The following PLCB1 variants were observed in gnomAD, a reference collection of about 807,000 sequenced individuals.
PLCB1 encodes phospholipase C beta 1, also known as 1-phosphatidylinositol 4,5-bisphosphate phosphodiesterase beta-1.
A neutral mutation model predicts 161.8 loss-of-function variants in PLCB1; 46 were observed. The observed-to-expected ratio is 0.28, with a 90% confidence interval of 0.22 to 0.36. The LOEUF (loss-of-function observed/expected upper bound fraction) is 0.36. Ranked by LOEUF, PLCB1 falls within the 10% of genes least tolerant of loss-of-function variation. PLCB1 has a pLI of 1.00. For missense variants in PLCB1, 1,016 were observed against 1,472.5 expected, an observed-to-expected ratio of 0.69 and a Z score of 5.07; for synonymous variants, 517 against 503.7, an observed-to-expected ratio of 1.03 and a Z score of -0.35.
rs1370604619 is a variant in PLCB1, at chr20:8,521,815, A to C, written c.247-106479A>C. Among the ~76,000 whole-genome samples, 3 of 152,346 alleles carry C rather than the reference A, an allele frequency of 2.0e-5. No individual in the cohort carries two copies. In the East Asian group the frequency reaches 5.8e-4, roughly 29 times the overall value. ...TCTAACTCAGCTATTTTATCATAGA[A>C]ACACAGATATATAACTAAACACCAC... On this transcript the variant is annotated intron_variant, in intron 3 of 31. Coordinates refer to ENST00000338037, the MANE Select transcript of PLCB1 (RefSeq NM_015192.4).
chr20:8,826,965 C>T (rs1277150756), intron 31 of PLCB1, among the ~76,000 whole-genome samples: 1 of 152,114 alleles, frequency 6.6e-6, no homozygotes, highest in East Asian at 1.9e-4. Flanking sequence ...TATGTACTGT[C>T]ATTTACTTGG....
intron 2 of PLCB1, among the ~76,000 whole-genome samples, chr20:8,151,407 G>A (rs919487938): frequency 4.6e-5 from 7 of 152,136 alleles, no homozygotes; most frequent in African/African-American, 1.7e-4. Flanking sequence ...ACTCCTGAAT[G>A]AGCCTGTTTA....
At chr20:8,432,940 C>T (rs1980119196) in intron 3 of PLCB1, among the ~76,000 whole-genome samples, 1 of 152,200 alleles carries the variant, frequency 6.6e-6, no homozygotes, top group African/African-American at 2.4e-5. Flanking sequence ...GTGTGACCCC[C>T]TCTGGCTTTG....
chr20:8,826,291 C>G (rs914642040), intron 31 of PLCB1, among the ~76,000 whole-genome samples: 1 of 151,924 alleles, frequency 6.6e-6, no homozygotes, highest in African/African-American at 2.4e-5. Context: ...GTCAGGAGAT[C>G]GAGACCATCC....
At chr20:8,428,686 A>T (rs1979897554) in intron 3 of PLCB1, among the ~76,000 whole-genome samples, 2 of 152,196 alleles carry the variant, frequency 1.3e-5, no homozygotes, top group Admixed American at 1.3e-4. Context: ...ATGTAGAGGA[A>T]TTGTGGCCGA....
At chr20:8,152,879 T>G (rs2051523753) in intron 2 of PLCB1, among the ~76,000 whole-genome samples, 1 of 152,064 alleles carries the variant, frequency 6.6e-6, no homozygotes, top group African/African-American at 2.4e-5. Flanking sequence ...TTTACAAGTG[T>G]TTTTTATTTT....
chr20:8,629,897 T>C lies in PLCB1; in HGVS notation c.384+1466T>C, dbSNP rs1053879980. On this transcript the variant is annotated intron_variant, in intron 4 of 31. Transcript: ENST00000338037. ...TCTTTCTCTCTCTCTTTCTTTTCTT[T>C]CTTTCTTTCTCTTTCCTTTCTTTCC... Among the ~76,000 whole-genome samples, 7 of 141,320 alleles carry C rather than the reference T, an allele frequency of 5.0e-5. No individual in the cohort carries two copies. The East Asian group carries it at 8.3e-4, about 17-fold the overall frequency. The allele number at this position is 141,320 out of a possible 152,430, so 92.7% of individuals were successfully genotyped here. A position where few individuals can be genotyped will look rare whatever the true frequency, so the allele number is the denominator to read the frequency against.
chr20:8,466,242 C>T (rs1407544602), intron 3 of PLCB1, among the ~76,000 whole-genome samples: 3 of 150,608 alleles, frequency 2.0e-5, no homozygotes, highest in African/African-American at 7.4e-5. Context: ...CCAAACACCA[C>T]ATATTCTCGC....
At chr20:8,865,557 T>G (rs1290934744) in intron 31 of PLCB1, among the ~76,000 whole-genome samples, 1 of 152,182 alleles carries the variant, frequency 6.6e-6, no homozygotes, top group African/African-American at 2.4e-5. Context: ...ACAATAGAAT[T>G]TTATTTCTTT....
intron 3 of PLCB1, among the ~76,000 whole-genome samples, chr20:8,405,321 C>T (rs1284053935): frequency 6.6e-6 from 1 of 152,168 alleles, no homozygotes; most frequent in East Asian, 1.9e-4. Flanking sequence ...AAAATCAGCA[C>T]TCTTCTGGTT....
chr20:8,458,524 G>C (rs768834898), intron 3 of PLCB1, among the ~76,000 whole-genome samples: 5 of 152,116 alleles, frequency 3.3e-5, no homozygotes, highest in Non-Finnish European at 5.9e-5. Flanking sequence ...GATTTCAAGA[G>C]AAAGCATACT....
At chr20:8,477,039 T>C (rs1982309035) in intron 3 of PLCB1, among the ~76,000 whole-genome samples, 1 of 152,124 alleles carries the variant, frequency 6.6e-6, no homozygotes, top group African/African-American at 2.4e-5. Context: ...TACTTGAGGA[T>C]TACTCAGCGG....
chr20:8,672,366 G>T (rs953324832), intron 9 of PLCB1, among the ~76,000 whole-genome samples: 7 of 150,584 alleles, frequency 4.6e-5, no homozygotes, highest in African/African-American at 1.2e-4. Context: ...CTCTTCTAAG[G>T]CTCTCTTCTT....
At chr20:8,436,278 T>G (rs1980299612) in intron 3 of PLCB1, among the ~76,000 whole-genome samples, 1 of 148,426 alleles carries the variant, frequency 6.7e-6, no homozygotes, top group African/African-American at 2.5e-5. Context: ...GAGGTTGCAC[T>G]GAGATCGCGC....
chr20:8,378,869 CAGG>C (rs1987175153), intron 3 of PLCB1, among the ~76,000 whole-genome samples: 1 of 152,180 alleles, frequency 6.6e-6, no homozygotes, highest in East Asian at 1.9e-4. Context: ...GTATCTTCAC[CAGG>C]AGTAGATTCC....
chr20:8,440,837 T>TA, intron 3 of PLCB1, among the ~76,000 whole-genome samples: 1 of 151,076 alleles, frequency 6.6e-6, no homozygotes, highest in African/African-American at 2.5e-5. Context: ...TGTTTTTGAT[T>TA]TTATATATAT....
chr20:8,529,488 C>A (rs1984713071), intron 3 of PLCB1, among the ~76,000 whole-genome samples: 1 of 152,036 alleles, frequency 6.6e-6, no homozygotes, highest in Admixed American at 6.6e-5. Context: ...GGAAAAGTTT[C>A]ATCTTTTAAG....
intron 3 of PLCB1, among the ~76,000 whole-genome samples, chr20:8,415,888 G>T (rs545676955): frequency 2.5e-4 from 38 of 152,328 alleles, no homozygotes; most frequent in South Asian, 1.5e-3. Context: ...TGGTCAGTTT[G>T]CCTTAGGTAG....
In PLCB1 at chr20:8,213,502, G is replaced by C. The variant is rs1978944963; in HGVS notation, c.177+63131G>C. ...GCAGGAGGTAGCAGAGCAAGTTAGA[G>C]TTGTTGAAGTTATAAGGCCCAGTGG... On this transcript the variant is annotated intron_variant, in intron 2 of 31. Transcript: ENST00000338037. Among the ~76,000 whole-genome samples, 5 of 152,126 alleles carry C rather than the reference G, an allele frequency of 3.3e-5. No homozygotes were observed. In the South Asian group the frequency reaches 1.0e-3, roughly 32 times the overall value.
Sources: gnomAD v4.1 joint callset for allele counts (sites outside exome capture counted in the v4.1 genomes callset) on GRCh38, gnomAD v4.1.1 for gene constraint, MANE v1.5 for transcripts, NCBI Gene and HGNC (gene_info 2026-07-23, HGNC 2026-07-21) for gene names.